PACS1: variants seen among roughly 807,000 people sequenced by gnomAD.
The protein encoded by PACS1 is phosphofurin acidic cluster sorting protein 1, also known as PACS-1.
In PACS1, 24 loss-of-function variants were observed where a neutral mutation model predicts 115.0. That is an observed-to-expected ratio of 0.21 (90% CI 0.15 to 0.29). The LOEUF (loss-of-function observed/expected upper bound fraction) is 0.29. PACS1 is among the 10% of genes least tolerant of loss of function. PACS1 has a pLI of 1.00. For missense variants in PACS1, 838 were observed against 1,251.2 expected (o/e 0.67, Z 4.98); for synonymous variants, 453 against 504.5 (o/e 0.90, Z 1.37).
chr11:66,185,664 A>G (rs1048977393), intron 1 of PACS1, among the ~76,000 whole-genome samples: 43 of 152,132 alleles, frequency 2.8e-4, no homozygotes, highest in African/African-American at 1.0e-3. Context: ...GTAGCTAGAG[A>G]GCAGAAAGTA....
chr11:66,070,867 G>A lies in PACS1; in HGVS notation c.356+25G>A, dbSNP rs1232886786. Reference sequence around the variant, plus strand: ...GGTGAGCGCGGGAGGGTGCGGCGGGGCGCCGGGGGAGCGGGGTGGCCGCCG... The same window carrying A: ...GGTGAGCGCGGGAGGGTGCGGCGGGACGCCGGGGGAGCGGGGTGGCCGCCG... On this transcript the variant is annotated intron_variant, in intron 1 of 23. Transcript: ENST00000320580. This position sits in a 1 kb window ranked among gnomAD's most constrained non-coding sequence, Gnocchi z 5.9. 15 of 1,428,238 alleles carry A rather than the reference G, an allele frequency of 1.1e-5. No individual in the cohort carries two copies. In the Admixed American group the frequency reaches 3.7e-4, roughly 35 times the overall value. The allele number at this position is 1,428,238 out of a possible 1,614,324, so 88.5% of individuals were successfully genotyped here.
intron 1 of PACS1, among the ~76,000 whole-genome samples, chr11:66,071,914 A>C (rs1262028477): frequency 6.6e-6 from 1 of 152,168 alleles, no homozygotes; most frequent in African/African-American, 2.4e-5. Flanking sequence ...GAATGATGAG[A>C]GTACATCTTT....
intron 2 of PACS1, among the ~76,000 whole-genome samples, chr11:66,198,678 T>C (rs911939268): frequency 1.6e-4 from 25 of 152,294 alleles, no homozygotes; most frequent in African/African-American, 5.5e-4. Context: ...ACACTGACTG[T>C]GGTGATGGTT....
intron 1 of PACS1, among the ~76,000 whole-genome samples, chr11:66,155,490 A>G (rs1030221006): frequency 6.6e-6 from 1 of 152,204 alleles, no homozygotes; most frequent in Admixed American, 6.5e-5. Context: ...GCTACATAAA[A>G]TACTTCATAT....
intron 1 of PACS1, among the ~76,000 whole-genome samples, chr11:66,139,549 T>G: frequency 6.8e-6 from 1 of 147,142 alleles, no homozygotes; most frequent in Admixed American, 6.8e-5. Context: ...TTTGTCTCCA[T>G]GAGTTTAATT....
chr11:66,180,139 G>A (rs538265991), intron 1 of PACS1, among the ~76,000 whole-genome samples: 7 of 152,124 alleles, frequency 4.6e-5, no homozygotes, highest in African/African-American at 1.4e-4. Flanking sequence ...ACTGTGCCCA[G>A]CAGATTTTTT....
At position 66,144,381 on chromosome 11, in the gene PACS1, A is replaced by T. The variant is rs887092852; in HGVS notation, c.357-49105A>T. Among the ~76,000 whole-genome samples the T allele has an allele frequency of 7.2e-5, 11 of 152,358 alleles. No homozygotes were observed. The East Asian group carries it at 1.9e-3, about 27-fold the overall frequency. On this transcript the variant is annotated intron_variant, in intron 1 of 23. Coordinates refer to ENST00000320580, the MANE Select transcript of PACS1 (RefSeq NM_018026.4). ...AAGTTTTTTAGAGAAGAGGAAAACAAATCTTGAATTTGTTATTTGTACAAA... is the reference window on the plus strand; with the variant it reads ...AAGTTTTTTAGAGAAGAGGAAAACATATCTTGAATTTGTTATTTGTACAAA...
intron 16 of PACS1, 68 bp downstream of exon 16, chr11:66,234,007 C>G (rs1855655132): frequency 3.8e-6 from 6 of 1,570,380 alleles, no homozygotes; most frequent in Admixed American, 1.7e-5. Flanking sequence ...TCATCTGGAA[C>G]AGGACGGTGG....
intron 1 of PACS1, among the ~76,000 whole-genome samples, chr11:66,129,566 C>G (rs1858657971): frequency 6.6e-6 from 1 of 151,888 alleles, no homozygotes; most frequent in South Asian, 2.1e-4. Context: ...CCCTCAGCCT[C>G]CCAAAGTGTT....
At position 66,223,389 on chromosome 11, in the gene PACS1, C is replaced by T. The variant is rs566982611; in HGVS notation, c.1293+2142C>T. On this transcript the variant is annotated intron_variant, in intron 10 of 23. Coordinates refer to ENST00000320580, the MANE Select transcript of PACS1 (RefSeq NM_018026.4). ...GATTAGAGGCTTGAGCCGCTGTGCC[C>T]GGCCTATTTTTTTTTTTTTGAGATA... Among the ~76,000 whole-genome samples the T allele has an allele frequency of 5.0e-3, 338 of 67,966 alleles. 3 individuals are homozygous for T. Among genetic ancestry groups the T allele is most frequent in the African/African-American group, 0.015 (300 of 19,358 alleles). The allele number at this position is 67,966 out of a possible 152,430, so 44.6% of individuals were successfully genotyped here. A position where few individuals can be genotyped will look rare whatever the true frequency, so the allele number is the denominator to read the frequency against.
intron 1 of PACS1, among the ~76,000 whole-genome samples, chr11:66,172,075 C>G (rs183525347): frequency 8.5e-5 from 13 of 152,340 alleles, no homozygotes; most frequent in African/African-American, 2.4e-4. Context: ...GTACCGTTTA[C>G]TGTGCGTAAA....
At chr11:66,091,910 C>A (rs1412967721) in intron 1 of PACS1, among the ~76,000 whole-genome samples, 1 of 152,048 alleles carries the variant, frequency 6.6e-6, no homozygotes, top group East Asian at 1.9e-4. Context: ...TTTTCTTAAT[C>A]CAGTCTATCA....
intron 1 of PACS1, among the ~76,000 whole-genome samples, chr11:66,151,320 G>A (rs1336453214): frequency 6.6e-6 from 1 of 152,020 alleles, no homozygotes; most frequent in Non-Finnish European, 1.5e-5. Flanking sequence ...GCAGTGGAAA[G>A]CTGAAGCCTT....
intron 2 of PACS1, among the ~76,000 whole-genome samples, chr11:66,199,086 C>A (rs1355441255): frequency 6.6e-6 from 1 of 152,116 alleles, no homozygotes; most frequent in African/African-American, 2.4e-5. Flanking sequence ...GAGGCCAAGG[C>A]AGGTGGATCA....
intron 5 of PACS1, 72 bp downstream of exon 5, chr11:66,216,335 C>A: frequency 6.4e-7 from 1 of 1,568,326 alleles, no homozygotes; most frequent in Non-Finnish European, 8.7e-7. Flanking sequence ...CAAGACAGTG[C>A]CTGAGATGTT....
intron 1 of PACS1, among the ~76,000 whole-genome samples, chr11:66,193,232 T>C (rs1854569497): frequency 6.6e-6 from 1 of 152,170 alleles, no homozygotes. Flanking sequence ...TGGTCCCAGC[T>C]ACTCAGGAGG....
intron 1 of PACS1, among the ~76,000 whole-genome samples, chr11:66,135,448 C>T (rs1858818127): frequency 6.6e-6 from 1 of 152,170 alleles, no homozygotes; most frequent in Non-Finnish European, 1.5e-5. Context: ...TCAGCTTTCT[C>T]CAACTAAAAT....
At chr11:66,102,479 C>T (rs1857941088) in intron 1 of PACS1, among the ~76,000 whole-genome samples, 1 of 151,900 alleles carries the variant, frequency 6.6e-6, no homozygotes, top group Admixed American at 6.6e-5. Context: ...TGCATACCAC[C>T]ACGCCAGGCT....
chr11:66,103,683 G>C (rs187153452), intron 1 of PACS1, among the ~76,000 whole-genome samples: 1 of 151,728 alleles, frequency 6.6e-6, no homozygotes, highest in East Asian at 1.9e-4. Flanking sequence ...GCTGATTTTT[G>C]TATTTTTTTT....
Sources: gnomAD v4.1 joint callset for allele counts (sites outside exome capture counted in the v4.1 genomes callset) on GRCh38, gnomAD v4.1.1 for gene constraint, Gnocchi (gnomAD v3.1) non-coding constraint, MANE v1.5 for transcripts, NCBI Gene and HGNC (gene_info 2026-07-23, HGNC 2026-07-21) for gene names.